The following CSMD1 variants were observed in gnomAD, a reference collection of about 807,000 sequenced individuals.
The protein encoded by CSMD1 is CUB and Sushi multiple domains 1, also known as CUB and sushi domain-containing protein 1.
CSMD1 carries 213 observed loss-of-function variants against 417.5 expected under a neutral mutation model. The ratio of observed to expected loss-of-function variants is 0.51; its 90% confidence interval spans 0.46 to 0.57. The LOEUF is 0.57. Ranked by LOEUF, CSMD1 falls within the 20% of genes least tolerant of loss-of-function variation. The probability of loss-of-function intolerance (pLI) is 0.00; values close to 1 mark genes in which losing one functional copy is unlikely to be tolerated. For synonymous variants in CSMD1, 2,862 were observed against 1,736.8 expected, an observed-to-expected ratio of 1.65 and a Z score of -16.11; for missense variants, 6,923 against 4,529.7, an observed-to-expected ratio of 1.53 and a Z score of -15.17.
intron 1 of CSMD1, among the ~76,000 whole-genome samples, chr8:4,939,341 G>A (rs1043624100): frequency 5.9e-5 from 9 of 152,200 alleles, no homozygotes; most frequent in African/African-American, 2.2e-4. Context: ...GGCGGTATCT[G>A]CAAGCTCATG....
chr8:4,034,159 G>C (rs1400643432), intron 3 of CSMD1, among the ~76,000 whole-genome samples: 5 of 152,062 alleles, frequency 3.3e-5, no homozygotes, highest in Non-Finnish European at 7.4e-5. Context: ...GTAACATAGA[G>C]AACATTTTTA....
chr8:4,293,720 G>C (rs1043043819), intron 3 of CSMD1, among the ~76,000 whole-genome samples: 3 of 152,118 alleles, frequency 2.0e-5, no homozygotes, highest in African/African-American at 4.8e-5. Flanking sequence ...CTTTAAAAAA[G>C]ATGCTTTAGA....
chr8:3,651,390 G>C (rs915527681), intron 7 of CSMD1, among the ~76,000 whole-genome samples: 1 of 152,000 alleles, frequency 6.6e-6, no homozygotes, highest in African/African-American at 2.4e-5. Context: ...TTCACAATAT[G>C]GAAGCCATGG....
At chr8:3,274,963 CT>C (rs1802163487) in intron 26 of CSMD1, among the ~76,000 whole-genome samples, 1 of 152,064 alleles carries the variant, frequency 6.6e-6, no homozygotes, top group African/African-American at 2.4e-5. Context: ...GAATTTGATC[CT>C]GTCATTATGA....
At chr8:4,123,120 C>T (rs9314517) in intron 3 of CSMD1, among the ~76,000 whole-genome samples, 23,462 of 152,174 alleles carry the variant, frequency 0.15, 1,981 homozygotes, top group South Asian at 0.3. Context: ...TCCATCAGTA[C>T]ACAAAATAGG....
intron 2 of CSMD1, among the ~76,000 whole-genome samples, chr8:4,499,735 A>C (rs1802159724): frequency 6.6e-6 from 1 of 152,258 alleles, no homozygotes; most frequent in Middle Eastern, 3.2e-3. Flanking sequence ...GGGCATTGAC[A>C]AGAATATTAG....
intron 1 of CSMD1, among the ~76,000 whole-genome samples, chr8:4,755,416 T>A (rs935728295): frequency 1.3e-5 from 2 of 152,246 alleles, no homozygotes; most frequent in African/African-American, 4.8e-5. Context: ...TCTGATGACT[T>A]CAAGTACTTA....
chr8:3,154,093 A>C (rs1819368224), intron 39 of CSMD1, among the ~76,000 whole-genome samples: 1 of 152,030 alleles, frequency 6.6e-6, no homozygotes, highest in Non-Finnish European at 1.5e-5. Context: ...CAGCCTCCCG[A>C]GTAGCTGGGA....
intron 1 of CSMD1, among the ~76,000 whole-genome samples, chr8:4,681,682 T>G (rs1806061977): frequency 2.0e-5 from 3 of 152,072 alleles, no homozygotes; most frequent in Admixed American, 6.6e-5. Context: ...CCCCTTTTCC[T>G]CATACAAAAT....
intron 3 of CSMD1, among the ~76,000 whole-genome samples, chr8:4,344,235 C>A (rs1016658013): frequency 6.6e-6 from 1 of 152,116 alleles, no homozygotes; most frequent in African/African-American, 2.4e-5. Flanking sequence ...CCCAAAGGTG[C>A]CTCTGACACA....
intron 41 of CSMD1, among the ~76,000 whole-genome samples, chr8:3,135,993 C>T (rs1192750404): frequency 3.9e-5 from 6 of 152,156 alleles, no homozygotes; most frequent in African/African-American, 7.2e-5. Context: ...CCCCAGCCCA[C>T]ACAGCTGTCA....
At chr8:4,965,266 C>T (rs1809783871) in intron 1 of CSMD1, among the ~76,000 whole-genome samples, 1 of 152,148 alleles carries the variant, frequency 6.6e-6, no homozygotes, top group African/African-American at 2.4e-5. Flanking sequence ...TAACAATTAG[C>T]CAATACTTAC....
chr8:3,434,665 C>G lies in CSMD1; in HGVS notation c.1562-25060G>C, dbSNP rs139648541. 2.7e-4 allele frequency among the ~76,000 whole-genome samples: 41 copies of G among 152,230 alleles called. No individual in the cohort carries two copies. In the East Asian group the frequency reaches 7.9e-3, roughly 29 times the overall value. On this transcript the variant is annotated intron_variant, in intron 12 of 69. Coordinates refer to ENST00000635120, the MANE Select transcript of CSMD1 (RefSeq NM_033225.6). ...TAATTGTTTGATCTGATCTCTCCAC[C>G]TTTTCTCCATATCCCCCTCATTCCT... is the stretch of plus-strand genomic sequence containing the variant.
At chr8:3,278,905 G>A (rs1382041871) in intron 26 of CSMD1, 1 of 152,204 alleles carries the variant, frequency 6.6e-6, no homozygotes, top group Non-Finnish European at 1.5e-5. Context: ...GTTTCTTCCT[G>A]CAGTGAAGCA....
chr8:3,980,346 C>G (rs1342847031), intron 5 of CSMD1, among the ~76,000 whole-genome samples: 3 of 151,304 alleles, frequency 2.0e-5, no homozygotes. Flanking sequence ...CTGAGATAAT[C>G]CTGAATTTCA....
chr8:4,000,648 T>C (rs1250824909), intron 4 of CSMD1, among the ~76,000 whole-genome samples: 1 of 152,350 alleles, frequency 6.6e-6, no homozygotes, highest in Non-Finnish European at 1.5e-5. Flanking sequence ...TAGAGACAGA[T>C]ATTTACTTTT....
chr8:4,427,054 C>G (rs1015261212), intron 2 of CSMD1, among the ~76,000 whole-genome samples: 2 of 151,970 alleles, frequency 1.3e-5, no homozygotes, highest in Admixed American at 1.3e-4. Context: ...CGGAACAGCC[C>G]CAGAGAGCTT....
At chr8:4,197,040 A>G (rs953889033) in intron 3 of CSMD1, among the ~76,000 whole-genome samples, 17 of 152,184 alleles carry the variant, frequency 1.1e-4, no homozygotes, top group African/African-American at 3.6e-4. Context: ...TTTCTGTTAA[A>G]TTTAACAATT....
chr8:3,748,984 G>C (rs1366491080), intron 6 of CSMD1, among the ~76,000 whole-genome samples: 1 of 152,218 alleles, frequency 6.6e-6, no homozygotes, highest in South Asian at 2.1e-4. Flanking sequence ...AAAATCAATG[G>C]GAATTTCATT....
Sources: gnomAD v4.1 joint callset for allele counts (sites outside exome capture counted in the v4.1 genomes callset) on GRCh38, gnomAD v4.1.1 for gene constraint, MANE v1.5 for transcripts, NCBI Gene and HGNC (gene_info 2026-07-23, HGNC 2026-07-21) for gene names.